Variants in ANKRD42 observed in about 807,000 individuals in gnomAD.
ANKRD42 encodes the protein ankyrin repeat domain-containing protein 42.
ANKRD42 carries 43 observed loss-of-function variants against 51.5 expected under a neutral mutation model. The ratio of observed to expected loss-of-function variants is 0.83; its 90% CI spans 0.65 to 1.08. The LOEUF (loss-of-function observed/expected upper bound fraction) is 1.08, where lower values mean the gene tolerates loss of function less well. Among genes scored for constraint, ANKRD42 ranks in the 50% least tolerant of loss-of-function variants. The pLI, the probability that ANKRD42 is intolerant of heterozygous loss-of-function variation, is 0.00. For missense variants in ANKRD42, 608 were observed against 629.3 expected, an observed-to-expected ratio of 0.97 and a Z score of 0.36; for synonymous variants, 203 against 213.0, an observed-to-expected ratio of 0.95 and a Z score of 0.41.
At chr11:83,225,181 A>G in intron 6 of ANKRD42, 126 bp downstream of exon 6, 1 of 742,590 alleles carries the variant, frequency 1.3e-6, no homozygotes, top group East Asian at 3.0e-5. Flanking sequence ...ATGTAAAAAT[A>G]TAAACATGTT....
chr11:83,247,449 C>T (rs1863578025), intron 10 of ANKRD42, among the ~76,000 whole-genome samples: 1 of 152,058 alleles, frequency 6.6e-6, no homozygotes, highest in Non-Finnish European at 1.5e-5. Context: ...TACTTTAGGG[C>T]CTTTGCACTT....
rs2135464679 is a variant in ANKRD42 at position 83,194,002 on chromosome 11, G to C, written c.-669G>C. 1 of 456,548 alleles carries C rather than the reference G, an allele frequency of 2.2e-6. No individual in the cohort carries two copies. The highest frequency in any genetic ancestry group is 4.4e-6 in the Non-Finnish European group (1 of 226,800). 28.3% of individuals were successfully genotyped at this position (456,548 alleles called of 1,614,324 possible). On this transcript the variant is annotated 5_prime_UTR_variant, in exon 1 of 11. Coordinates refer to ENST00000533342, the MANE Select transcript of ANKRD42 (RefSeq NM_001300975.2). Reference sequence around the variant, plus strand: ...GGTCGCTGCAGGAAGCCTAAGTGCAGACGCCGGCTTCTCCCGCAGTGACTT... The same window carrying C: ...GGTCGCTGCAGGAAGCCTAAGTGCACACGCCGGCTTCTCCCGCAGTGACTT...
At chr11:83,221,760 C>G (rs1862724292) in intron 5 of ANKRD42, among the ~76,000 whole-genome samples, 2 of 152,140 alleles carry the variant, frequency 1.3e-5, no homozygotes, top group Admixed American at 1.3e-4. Flanking sequence ...TGGAAAGAAC[C>G]TTAGTATGGT....
At chr11:83,236,761 G>A (rs189157234) in intron 8 of ANKRD42, among the ~76,000 whole-genome samples, 40 of 152,284 alleles carry the variant, frequency 2.6e-4, no homozygotes, top group Non-Finnish European at 5.1e-4. Context: ...TGTTGGGGAA[G>A]GTTGTCACAA....
chr11:83,212,750 A>G (rs146860841), intron 5 of ANKRD42: 62 of 1,535,292 alleles, frequency 4.0e-5, no homozygotes, highest in Non-Finnish European at 4.9e-5. Flanking sequence ...TCATCTTTCT[A>G]TATCTTTACA....
At chr11:83,263,429 G>A (rs1309266587), downstream of ANKRD42, among the ~76,000 whole-genome samples, 1 of 152,120 alleles carries the variant, frequency 6.6e-6, no homozygotes, top group African/African-American at 2.4e-5. Context: ...TAAGTTTGCT[G>A]TTTATCCTCT....
intron 2 of ANKRD42, among the ~76,000 whole-genome samples, chr11:83,200,851 T>A (rs1861841506): frequency 6.6e-6 from 1 of 152,212 alleles, no homozygotes; most frequent in Admixed American, 6.5e-5. Flanking sequence ...CCATTTAACA[T>A]GGTAGACTTA....
rs1034924144 is a variant in ANKRD42 at position 83,193,861 on chromosome 11, A to C, written c.-810A>C. On this transcript the variant is annotated 5_prime_UTR_variant, in exon 1 of 11. Coordinates refer to ENST00000533342, the MANE Select transcript of ANKRD42 (RefSeq NM_001300975.2). ...AGCAGACGAAGACGGTGGCCGCCGC[A>C]CTAGCCACCACGTGTGGAGGATAAA... The C allele has an allele frequency of 1.3e-5, 6 of 455,066 alleles. No homozygotes were observed. In the Admixed American group the frequency reaches 1.4e-4, roughly 11 times the overall value. The allele number at this position is 455,066 out of a possible 1,614,324, so 28.2% of individuals were successfully genotyped here. A position where few individuals can be genotyped will look rare whatever the true frequency, so the allele number is the denominator to read the frequency against.
chr11:83,207,010 T>C (rs1456023152), intron 3 of ANKRD42, among the ~76,000 whole-genome samples: 1 of 152,116 alleles, frequency 6.6e-6, no homozygotes, highest in Non-Finnish European at 1.5e-5. Flanking sequence ...GGGTAATTTA[T>C]AAAGAAAAAA....
At chr11:83,195,661 A>G (rs1181771132) in intron 1 of ANKRD42, among the ~76,000 whole-genome samples, 2 of 152,066 alleles carry the variant, frequency 1.3e-5, no homozygotes, top group Non-Finnish European at 2.9e-5. Context: ...CACACCTTGG[A>G]GTTATCTTAT....
intron 9 of ANKRD42, among the ~76,000 whole-genome samples, chr11:83,245,054 G>A (rs1325089203): frequency 6.6e-6 from 1 of 152,044 alleles, no homozygotes; most frequent in Non-Finnish European, 1.5e-5. Context: ...ACAGGCACGT[G>A]CCACCACACC....
intron 10 of ANKRD42, 128 bp downstream of exon 10, chr11:83,245,752 T>A: frequency 9.3e-7 from 1 of 1,071,702 alleles, no homozygotes; most frequent in Non-Finnish European, 1.3e-6. Flanking sequence ...GTTTTTCTCC[T>A]AAGCCCTTAG....
downstream of ANKRD42, among the ~76,000 whole-genome samples, chr11:83,249,153 CTG>C (rs1863630702): frequency 6.6e-6 from 1 of 152,220 alleles, no homozygotes. Flanking sequence ...GGCAGGGACT[CTG>C]TGACTCCCAG....
At chr11:83,240,734 G>A in intron 8 of ANKRD42, 25 bp from the exon 9 acceptor site, 2 of 1,612,428 alleles carry the variant, frequency 1.2e-6, no homozygotes, top group Non-Finnish European at 1.7e-6. Context: ...TGTGGATCTG[G>A]TTAGTTATTG....
intron 9 of ANKRD42, among the ~76,000 whole-genome samples, chr11:83,243,879 T>C (rs1211718551): frequency 6.6e-6 from 1 of 151,386 alleles, no homozygotes; most frequent in Non-Finnish European, 1.5e-5. Context: ...TTAGCCAGGA[T>C]GGTCTCTATC....
At chr11:83,240,367 G>A (rs934193196) in intron 8 of ANKRD42, among the ~76,000 whole-genome samples, 2 of 152,202 alleles carry the variant, frequency 1.3e-5, no homozygotes, top group African/African-American at 4.8e-5. Flanking sequence ...GAATGAAAAT[G>A]AATTCTATAA....
At chr11:83,236,339 A>T in intron 7 of ANKRD42, 65 bp from the exon 8 acceptor site, 1 of 1,410,686 alleles carries the variant, frequency 7.1e-7, no homozygotes, top group South Asian at 1.3e-5. Flanking sequence ...AAAATTTTAG[A>T]AAATTGTTAC....
intron 3 of ANKRD42, chr11:83,209,820 C>A: frequency 1.8e-6 from 1 of 541,452 alleles, no homozygotes; most frequent in Admixed American, 3.1e-5. Flanking sequence ...ACCACCATAG[C>A]CCAGCCAGAT....
chr11:83,208,222 G>T (rs1017081681), intron 3 of ANKRD42, among the ~76,000 whole-genome samples: 1 of 151,950 alleles, frequency 6.6e-6, no homozygotes, highest in Non-Finnish European at 1.5e-5. Flanking sequence ...TGGGAGGGGG[G>T]GGTCTCCCTA....
Sources: gnomAD v4.1 joint callset for allele counts (sites outside exome capture counted in the v4.1 genomes callset) on GRCh38, gnomAD v4.1.1 for gene constraint, MANE v1.5 for transcripts, NCBI Gene and HGNC (gene_info 2026-07-23, HGNC 2026-07-21) for gene names.